CSMD2: variants seen among roughly 807,000 people sequenced by gnomAD.
CSMD2 encodes CUB and sushi domain-containing protein 2.
CSMD2 carries 130 observed loss-of-function variants against 398.5 expected under a neutral mutation model. The ratio of observed to expected loss-of-function variants is 0.33; its 90% CI spans 0.28 to 0.38. The LOEUF (loss-of-function observed/expected upper bound fraction) is 0.38. CSMD2 is among the 10% of genes least tolerant of loss of function. CSMD2 has a pLI of 1.00. For synonymous variants in CSMD2, 1,828 were observed against 1,908.5 expected, an observed-to-expected ratio of 0.96 and a Z score of 1.10; for missense variants, 3,829 against 4,764.9, an observed-to-expected ratio of 0.80 and a Z score of 5.78.
rs1434841989 is a variant in CSMD2, at chr1:33,770,691, G to A, written c.1846+1878C>T. Among the ~76,000 whole-genome samples the A allele has an allele frequency of 2.0e-5, 3 of 152,360 alleles. No individual in the cohort carries two copies. The East Asian group carries it at 5.8e-4, about 29-fold the overall frequency. On this transcript the variant is annotated intron_variant, in intron 13 of 70. Transcript: ENST00000373381. Reference sequence around the variant, plus strand: ...GTCTAGAAGAAGAAATGCCATGTCAGCTCCCCAGAGTACCTGCTTAGCTTT... The same window carrying A: ...GTCTAGAAGAAGAAATGCCATGTCAACTCCCCAGAGTACCTGCTTAGCTTT...
At chr1:33,646,485 G>C (rs1329939461) in intron 29 of CSMD2, among the ~76,000 whole-genome samples, 163 bp downstream of exon 29, 1 of 152,200 alleles carries the variant, frequency 6.6e-6, no homozygotes, top group Non-Finnish European at 1.5e-5. Context: ...AAGCCCAGAT[G>C]GGGGCCGCAG....
intron 55 of CSMD2, among the ~76,000 whole-genome samples, chr1:33,554,635 C>T (rs972704318): frequency 4.6e-5 from 7 of 152,268 alleles, no homozygotes; most frequent in Non-Finnish European, 8.8e-5. Context: ...CTCATTTACC[C>T]ATTCTGAAAA....
chr1:33,807,927 A>G (rs1656411684), intron 10 of CSMD2, among the ~76,000 whole-genome samples: 1 of 152,148 alleles, frequency 6.6e-6, no homozygotes, highest in South Asian at 2.1e-4. Context: ...CAGTAAGAGA[A>G]TAGAAAATAT....
chr1:33,739,941 T>G (rs1400400556), intron 14 of CSMD2, among the ~76,000 whole-genome samples: 3 of 152,090 alleles, frequency 2.0e-5, no homozygotes, highest in Non-Finnish European at 4.4e-5. Flanking sequence ...GAGGACAGAG[T>G]CAGAACGCTG....
intron 7 of CSMD2, among the ~76,000 whole-genome samples, chr1:33,824,353 C>T (rs137861353): frequency 5.7e-4 from 87 of 152,328 alleles, no homozygotes; most frequent in Non-Finnish European, 1.1e-3. Flanking sequence ...AACCCCCAGT[C>T]AAGCACAGAA....
chr1:33,737,817 C>A (rs758473228), intron 15 of CSMD2, among the ~76,000 whole-genome samples: 2 of 152,186 alleles, frequency 1.3e-5, no homozygotes, highest in Non-Finnish European at 2.9e-5. Context: ...AAGGAAGATT[C>A]CCTAACCTCA....
intron 8 of CSMD2, 65 bp downstream of exon 8, chr1:33,820,404 T>C (rs1657974589): frequency 1.9e-6 from 2 of 1,060,280 alleles, no homozygotes; most frequent in Non-Finnish European, 3.0e-6. Context: ...GGCCAGCCCC[T>C]GTCTTCCTCC....
At chr1:33,759,782 G>C (rs936707007) in intron 13 of CSMD2, among the ~76,000 whole-genome samples, 1 of 152,082 alleles carries the variant, frequency 6.6e-6, no homozygotes, top group Non-Finnish European at 1.5e-5. Flanking sequence ...GGCATGTTAG[G>C]GTACCCACGT....
chr1:33,962,840 T>C (rs1645414508), intron 3 of CSMD2, among the ~76,000 whole-genome samples: 1 of 152,214 alleles, frequency 6.6e-6, no homozygotes, highest in Non-Finnish European at 1.5e-5. Context: ...TATTCCCTGC[T>C]TCCTTTTTAT....
At chr1:33,617,895 C>T (rs1308111346) in intron 37 of CSMD2, among the ~76,000 whole-genome samples, 2 of 152,162 alleles carry the variant, frequency 1.3e-5, no homozygotes, top group Admixed American at 6.5e-5. Context: ...TCACTGAGCT[C>T]TTAGCTAGGG....
rs150113353 is a variant in CSMD2 at position 34,153,588 on chromosome 1, G to A, written c.187+11323C>T. Among the ~76,000 whole-genome samples, 484 of 152,308 alleles carry A rather than the reference G, an allele frequency of 3.2e-3. 4 individuals are homozygous for A. The highest frequency in any genetic ancestry group is 5.3e-3 in the Admixed American group (81 of 15,300). ...CCCCAGTGCTGCTGAGAGCTCAGGC[G>A]CACAGAGGCACTCAATAACTGCCTG... is the stretch of plus-strand genomic sequence containing the variant. On this transcript the variant is annotated intron_variant, in intron 1 of 70. Transcript: ENST00000373381.
intron 29 of CSMD2, among the ~76,000 whole-genome samples, chr1:33,644,230 G>A (rs1643287206): frequency 6.6e-6 from 1 of 152,160 alleles, no homozygotes; most frequent in Non-Finnish European, 1.5e-5. Context: ...TGGGAAAGAG[G>A]TTTTGAAAGT....
chr1:34,050,388 T>C (rs1234363327), intron 2 of CSMD2, among the ~76,000 whole-genome samples: 1 of 152,250 alleles, frequency 6.6e-6, no homozygotes, highest in Non-Finnish European at 1.5e-5. Context: ...TAATCCACTG[T>C]CATGGTATTC....
intron 13 of CSMD2, among the ~76,000 whole-genome samples, chr1:33,749,426 T>C (rs1202376873): frequency 2.0e-5 from 3 of 152,210 alleles, no homozygotes; most frequent in African/African-American, 7.2e-5. Context: ...ATGATGATGA[T>C]ACTAGACCAA....
rs745746147 is a variant in CSMD2, at chr1:34,135,532, C to T, written c.187+29379G>A. Among the ~76,000 whole-genome samples, 3 of 136,190 alleles carry T rather than the reference C, an allele frequency of 2.2e-5. No homozygotes were observed. In the Admixed American group the frequency reaches 2.7e-4, roughly 12 times the overall value. 89.3% of individuals were successfully genotyped at this position (136,190 alleles called of 152,430 possible). ...ACTCGGGAGGCTAAGGCAGGAGAAT[C>T]GCTTAAACCCGGGAGGCGGAGGTTG... is the stretch of plus-strand genomic sequence containing the variant. On this transcript the variant is annotated intron_variant, in intron 1 of 70. Transcript: ENST00000373381.
intron 3 of CSMD2, among the ~76,000 whole-genome samples, chr1:33,950,423 G>GAGAGAGAGAGAGAGA (rs1553260577): frequency 4.9e-5 from 7 of 143,306 alleles, no homozygotes; most frequent in African/African-American, 1.8e-4. Context: ...GAGAGAGAGA[G>GAGAGAGAGAGAGAGA]GAGAGTTTGT....
intron 3 of CSMD2, among the ~76,000 whole-genome samples, chr1:34,011,510 C>A (rs1647319830): frequency 6.6e-6 from 1 of 152,116 alleles, no homozygotes; most frequent in South Asian, 2.1e-4. Flanking sequence ...GTTCCCGGGG[C>A]CTCTCCACCA....
intron 3 of CSMD2, among the ~76,000 whole-genome samples, chr1:33,944,910 G>T (rs1395283977): frequency 6.6e-6 from 1 of 152,118 alleles, no homozygotes; most frequent in Non-Finnish European, 1.5e-5. Context: ...TGCTTCCCCA[G>T]TGTGGAGTCC....
chr1:34,007,682 A>T (rs920830362), intron 3 of CSMD2, among the ~76,000 whole-genome samples: 1 of 152,240 alleles, frequency 6.6e-6, no homozygotes, highest in South Asian at 2.1e-4. Context: ...AAAGGGGAAG[A>T]GTAGAAACAA....
Sources: gnomAD v4.1 joint callset for allele counts (sites outside exome capture counted in the v4.1 genomes callset) on GRCh38, gnomAD v4.1.1 for gene constraint, MANE v1.5 for transcripts, NCBI Gene and HGNC (gene_info 2026-07-23, HGNC 2026-07-21) for gene names.